CTNNA2: variants seen among roughly 807,000 people sequenced by gnomAD.
The protein encoded by CTNNA2 is catenin alpha-2.
Under a neutral mutation model 101.0 loss-of-function variants are expected in CTNNA2, and 42 were observed. The observed-to-expected ratio is 0.42, with a 90% CI of 0.32 to 0.54. CTNNA2 has a LOEUF of 0.54. CTNNA2 is among the 20% of genes least tolerant of loss of function. The pLI is 0.14. For synonymous variants in CTNNA2, 450 were observed against 456.4 expected, an observed-to-expected ratio of 0.99 and a Z score of 0.18; for missense variants, 871 against 1,223.1, an observed-to-expected ratio of 0.71 and a Z score of 4.29.
chr2:80,042,354 C>T (rs768817298), intron 7 of CTNNA2, among the ~76,000 whole-genome samples: 11 of 152,114 alleles, frequency 7.2e-5, no homozygotes, highest in Admixed American at 2.0e-4. Context: ...TGGAGAATGG[C>T]GTCAAGGCTT....
intron 2 of CTNNA2, among the ~76,000 whole-genome samples, chr2:79,260,450 C>T (rs1323651525): frequency 2.0e-5 from 3 of 152,086 alleles, no homozygotes; most frequent in East Asian, 3.9e-4. Flanking sequence ...TTTCTGTCTA[C>T]CTTACGTTTT....
chr2:79,289,113 C>G (rs1357598994), intron 2 of CTNNA2, among the ~76,000 whole-genome samples: 1 of 152,162 alleles, frequency 6.6e-6, no homozygotes, highest in African/African-American at 2.4e-5. Context: ...CTGAGAGAAT[C>G]TATTTTCTTC....
intron 7 of CTNNA2, among the ~76,000 whole-genome samples, chr2:80,246,320 T>G (rs897219837): frequency 2.6e-5 from 4 of 152,208 alleles, no homozygotes; most frequent in Admixed American, 2.0e-4. Context: ...TGCTACTGTT[T>G]GCAATTTGCT....
At chr2:79,654,730 T>C (rs560996164) in intron 2 of CTNNA2, among the ~76,000 whole-genome samples, 3 of 152,334 alleles carry the variant, frequency 2.0e-5, no homozygotes, top group African/African-American at 7.2e-5. Context: ...GAGAACATTT[T>C]ATGAGATTCA....
intron 7 of CTNNA2, among the ~76,000 whole-genome samples, chr2:80,276,757 C>T (rs1673942576): frequency 6.6e-6 from 1 of 152,096 alleles, no homozygotes; most frequent in African/African-American, 2.4e-5. Context: ...TGAGAACTCA[C>T]TCAATTCCAT....
intron 2 of CTNNA2, among the ~76,000 whole-genome samples, chr2:79,652,006 A>T (rs79292685): frequency 6.6e-6 from 1 of 152,300 alleles, no homozygotes; most frequent in East Asian, 1.9e-4. Flanking sequence ...TGTGTTGACT[A>T]TACAACAGCA....
At chr2:79,415,362 G>C (rs1678466142) in intron 4 of CTNNA2, among the ~76,000 whole-genome samples, 1 of 152,128 alleles carries the variant, frequency 6.6e-6, no homozygotes. Context: ...AGTGCTTCCT[G>C]TACAGCCTGA....
chr2:80,060,254 T>C (rs1474092934), intron 7 of CTNNA2, among the ~76,000 whole-genome samples: 1 of 152,140 alleles, frequency 6.6e-6, no homozygotes, highest in Non-Finnish European at 1.5e-5. Flanking sequence ...GAGAGCTGAG[T>C]CAAGGCCTGG....
rs34070581 is a variant in CTNNA2 at position 79,760,441 on chromosome 2, C to CT, written c.298+15860dup. ...GCAAGTCCACCATCTATAGGACAGT[C>CT]TGACAGGCTGGAAACTCAAGTAGGA... On this transcript the variant is annotated intron_variant, in intron 3 of 18. Transcript: ENST00000402739. Among the ~76,000 whole-genome samples, 410 of 152,096 alleles carry CT rather than the reference C, an allele frequency of 2.7e-3. 8 individuals carry two copies. The highest frequency in any genetic ancestry group is 0.025 in the Admixed American group (382 of 15,270).
intron 3 of CTNNA2, among the ~76,000 whole-genome samples, chr2:79,373,107 G>T (rs914037165): frequency 1.3e-5 from 2 of 152,164 alleles, no homozygotes; most frequent in African/African-American, 4.8e-5. Flanking sequence ...AATGGTTTGC[G>T]TTGTGAATTA....
chr2:80,544,252 G>A (rs1691840844), intron 9 of CTNNA2, among the ~76,000 whole-genome samples: 1 of 151,658 alleles, frequency 6.6e-6, no homozygotes, highest in African/African-American at 2.4e-5. Flanking sequence ...CAGGAACCAA[G>A]GAAGAGGGGA....
chr2:79,519,891 G>A (rs1672012724), intron 1 of CTNNA2, among the ~76,000 whole-genome samples: 1 of 152,176 alleles, frequency 6.6e-6, no homozygotes, highest in African/African-American at 2.4e-5. Flanking sequence ...TGTGTGGTTG[G>A]CTTGTTTCGG....
intron 4 of CTNNA2, among the ~76,000 whole-genome samples, chr2:79,495,022 GA>G (rs929205399): frequency 6.6e-6 from 1 of 152,074 alleles, no homozygotes; most frequent in Non-Finnish European, 1.5e-5. Context: ...AGAATGGCGT[GA>G]ACCAGGGAGG....
chr2:79,919,260 T>C (rs1686486885), intron 7 of CTNNA2, among the ~76,000 whole-genome samples: 3 of 152,170 alleles, frequency 2.0e-5, no homozygotes, highest in African/African-American at 2.4e-5. Flanking sequence ...AGCTTATCCA[T>C]GGCAGACTTC....
At chr2:79,808,777 C>T (rs1676774821) in intron 3 of CTNNA2, among the ~76,000 whole-genome samples, 1 of 144,072 alleles carries the variant, frequency 6.9e-6, no homozygotes, top group African/African-American at 2.7e-5. Context: ...AAATGGATTT[C>T]ATCTTTGTCA....
chr2:80,292,640 C>G (rs142839365), intron 7 of CTNNA2, among the ~76,000 whole-genome samples: 86 of 152,306 alleles, frequency 5.6e-4, no homozygotes, highest in Middle Eastern at 6.8e-3. Context: ...TCTGCATACT[C>G]TCATGGTGAG....
intron 1 of CTNNA2, among the ~76,000 whole-genome samples, chr2:79,515,880 C>T (rs570824962): frequency 6.6e-6 from 1 of 152,182 alleles, no homozygotes; most frequent in South Asian, 2.1e-4. Flanking sequence ...AAATGTATTC[C>T]GGATATATTC....
chr2:80,538,038 G>GTC (rs1310183890), intron 9 of CTNNA2, among the ~76,000 whole-genome samples: 1 of 152,152 alleles, frequency 6.6e-6, no homozygotes, highest in Non-Finnish European at 1.5e-5. Context: ...CTTTTGAGAA[G>GTC]TCTCTGTTCA....
At position 79,435,196 on chromosome 2, in the gene CTNNA2, A is replaced by T. The variant is rs950284898; in HGVS notation, c.-135+61183A>T. 3.9e-5 allele frequency among the ~76,000 whole-genome samples: 6 copies of T among 152,264 alleles called. No individual in the cohort carries two copies. The South Asian group carries it at 6.2e-4, about 16-fold the overall frequency. On this transcript the variant is annotated intron_variant, in intron 4 of 21. Transcript: ENST00000466387. ...GGGGGAGAAGTATGTTTGCATTAAA[A>T]GCTACAAGGTTAAAATACCTGCATT...
Sources: allele counts gnomAD v4.1 joint callset (sites outside exome capture counted in the v4.1 genomes callset), GRCh38; gene constraint gnomAD v4.1.1; transcripts MANE v1.5; gene names NCBI Gene and HGNC (gene_info 2026-07-23, HGNC 2026-07-21).